The following USP7 variants were observed in gnomAD, a reference collection of about 807,000 sequenced individuals.
USP7 encodes the protein ubiquitin C-terminal hydrolase 7.
A neutral mutation model predicts 162.9 loss-of-function variants in USP7; 9 were observed. That is an observed-to-expected ratio of 0.06 (90% confidence interval 0.03 to 0.10). The LOEUF (loss-of-function observed/expected upper bound fraction) is 0.10. Among genes scored for constraint, USP7 ranks in the 10% least tolerant of loss-of-function variants. USP7 has a pLI of 1.00. For synonymous variants in USP7, 562 were observed against 475.9 expected, an observed-to-expected ratio of 1.18 and a Z score of -2.35; for missense variants, 715 against 1,373.7, an observed-to-expected ratio of 0.52 and a Z score of 7.58.
intron 2 of USP7, 87 bp downstream of exon 2, chr16:8,930,206 T>C: frequency 1.0e-6 from 1 of 1,004,842 alleles, no homozygotes; most frequent in Non-Finnish European, 1.5e-6. Context: ...TACCCAAGGA[T>C]GTACCCAAGA....
intron 13 of USP7, 129 bp from the exon 14 acceptor site, chr16:8,905,460 G>T: frequency 1.7e-6 from 2 of 1,145,234 alleles, no homozygotes; most frequent in Non-Finnish European, 2.5e-6. Context: ...ATCCATGTGT[G>T]TTCTTATACA....
At chr16:8,902,544 T>C (rs1373385129) in intron 16 of USP7, 62 bp from the exon 17 acceptor site, 7 of 1,311,498 alleles carry the variant, frequency 5.3e-6, no homozygotes, top group South Asian at 2.5e-5. Context: ...TCCTCTATAT[T>C]ACACACACAT....
chr16:8,902,016 A>T, intron 18 of USP7, 66 bp downstream of exon 18: 1 of 1,358,240 alleles, frequency 7.4e-7, no homozygotes, highest in Non-Finnish European at 1.0e-6. Flanking sequence ...CTGTGTGTTT[A>T]GAACAACAAT....
chr16:8,940,108 A>G (rs1898966626), intron 1 of USP7, among the ~76,000 whole-genome samples: 1 of 152,054 alleles, frequency 6.6e-6, no homozygotes, highest in Non-Finnish European at 1.5e-5. Flanking sequence ...CAAAAAAAAA[A>G]GGCTGTTTCC....
At chr16:8,942,298 C>G (rs1303380907) in intron 1 of USP7, among the ~76,000 whole-genome samples, 3 of 152,204 alleles carry the variant, frequency 2.0e-5, no homozygotes, top group Admixed American at 2.0e-4. Context: ...GAGAGTCTGT[C>G]GGACCTGAGA....
intron 1 of USP7, among the ~76,000 whole-genome samples, chr16:8,941,765 C>T (rs1019208738): frequency 6.6e-6 from 1 of 152,080 alleles, no homozygotes; most frequent in Non-Finnish European, 1.5e-5. Context: ...CTGCCTCTCC[C>T]CAGGTGTGAG....
intron 1 of USP7, among the ~76,000 whole-genome samples, chr16:8,955,715 A>AC (rs980616400): frequency 6.6e-6 from 1 of 151,422 alleles, no homozygotes; most frequent in African/African-American, 2.4e-5. Flanking sequence ...AAAAAAAAAA[A>AC]AAAAAAAAAA....
intron 1 of USP7, among the ~76,000 whole-genome samples, chr16:8,930,821 T>C (rs1898284554): frequency 6.6e-6 from 1 of 152,056 alleles, no homozygotes; most frequent in South Asian, 2.1e-4. Context: ...ATGCAAAAAT[T>C]AGCTGGGTGT....
At chr16:8,958,301 G>A (rs1011504333) in intron 1 of USP7, among the ~76,000 whole-genome samples, 2 of 152,214 alleles carry the variant, frequency 1.3e-5, no homozygotes, top group East Asian at 1.9e-4. Context: ...CTTTCCTGGG[G>A]TATCTGTCCT....
intron 14 of USP7, among the ~76,000 whole-genome samples, chr16:8,904,781 T>A (rs1352005577): frequency 6.9e-6 from 1 of 144,338 alleles, no homozygotes; most frequent in Non-Finnish European, 1.5e-5. Flanking sequence ...TCTCTACTAC[T>A]AAAAAAAAAA....
At chr16:8,942,363 G>A (rs370243930) in intron 1 of USP7, among the ~76,000 whole-genome samples, 1 of 152,152 alleles carries the variant, frequency 6.6e-6, no homozygotes, top group African/African-American at 2.4e-5. Flanking sequence ...AAGCAGTGGG[G>A]TCTGTCCCAC....
At position 8,893,104 on chromosome 16, in the gene USP7, T is replaced by C. The variant is rs1483882607; in HGVS notation, c.*894A>G. 1 of 152,240 alleles carries C rather than the reference T, an allele frequency of 6.6e-6. No homozygotes were observed. The highest frequency in any genetic ancestry group is 6.5e-5 in the Admixed American group (1 of 15,284). 9.4% of individuals were successfully genotyped at this position (152,240 alleles called of 1,614,324 possible). On this transcript the variant is annotated 3_prime_UTR_variant, in exon 31 of 31. Transcript: ENST00000344836. ...ATTGTACATGTTCATTCATTAAATA[T>C]ACAATTCATTTTTCCTTTTTTTTTC...
In USP7 at chr16:8,946,561, A is replaced by T. The variant is rs116762731; in HGVS notation, c.80-16164T>A. ...TTACAAAGACTCAAATCTCAAATAT[A>T]TAAACAACAGTTCACAAAACTCAAC... is the stretch of plus-strand genomic sequence containing the variant. On this transcript the variant is annotated intron_variant, in intron 1 of 30. Coordinates refer to ENST00000344836, the MANE Select transcript of USP7 (RefSeq NM_003470.3). 3.3e-3 allele frequency among the ~76,000 whole-genome samples: 497 copies of T among 152,352 alleles called. 3 individuals are homozygous for T. The highest frequency in any genetic ancestry group is 0.011 in the African/African-American group (464 of 41,580).
rs551627650 is a variant in USP7 at position 8,945,323 on chromosome 16, G to A, written c.80-14926C>T. Among the ~76,000 whole-genome samples the A allele has an allele frequency of 2.6e-5, 4 of 152,300 alleles. No individual in the cohort carries two copies. In the South Asian group the frequency reaches 8.3e-4, roughly 32 times the overall value. On this transcript the variant is annotated intron_variant, in intron 1 of 30. Coordinates refer to ENST00000344836, the MANE Select transcript of USP7 (RefSeq NM_003470.3). ...CGTTTGTACCTGGGAGGTGGAGGTT[G>A]CAGTGAGCCAAGACCATGCCACTGT...
intron 1 of USP7, among the ~76,000 whole-genome samples, chr16:8,947,324 G>T (rs897192052): frequency 1.3e-4 from 19 of 150,498 alleles, no homozygotes; most frequent in African/African-American, 3.6e-4. Context: ...CCATGTGCTG[G>T]TTTATTGTTT....
chr16:8,926,862 C>T (rs1898031857), intron 2 of USP7, among the ~76,000 whole-genome samples: 1 of 152,162 alleles, frequency 6.6e-6, no homozygotes. Context: ...AACCAGATTC[C>T]TTGATAACTC....
At chr16:8,931,972 T>C (rs1898374259) in intron 1 of USP7, among the ~76,000 whole-genome samples, 1 of 152,160 alleles carries the variant, frequency 6.6e-6, no homozygotes, top group African/African-American at 2.4e-5. Context: ...CAGGTAGTTG[T>C]GTGTGTGGCC....
rs1341300598 is a variant in USP7, at chr16:8,963,730, CGGGCCTGCGGGCCCTG to C, written c.-461_-446del. Among the ~76,000 whole-genome samples the C allele has an allele frequency of 2.1e-5, 3 of 143,314 alleles. No individual in the cohort carries two copies. The highest frequency in any genetic ancestry group is 2.1e-4 in the East Asian group (1 of 4,768). 94.0% of individuals were successfully genotyped at this position (143,314 alleles called of 152,430 possible). A position where few individuals can be genotyped will look rare whatever the true frequency, so the allele number is the denominator to read the frequency against. ...GGACGGGAGGCCTGGCCGGCCGCGG[CGGGCCTGCGGGCCCTG>C]GGGCCGGCGGGAGCGGCGGAGCGGG... On this transcript the variant is annotated 5_prime_UTR_variant, in exon 1 of 31. Coordinates refer to ENST00000344836, the MANE Select transcript of USP7 (RefSeq NM_003470.3).
In USP7 at chr16:8,944,331, A is replaced by T. The variant is rs796319585; in HGVS notation, c.80-13934T>A. ...CAGCTGCCCGCCTGGAGTCAGGAGG[A>T]GGCCAGAGTCCTGGAACAAAGGAAT... On this transcript the variant is annotated intron_variant, in intron 1 of 30. Transcript: ENST00000344836. 3.3e-5 allele frequency among the ~76,000 whole-genome samples: 5 copies of T among 151,940 alleles called. No individual in the cohort carries two copies. In the South Asian group the frequency reaches 1.0e-3, roughly 32 times the overall value.
Sources: gnomAD v4.1 joint callset for allele counts (sites outside exome capture counted in the v4.1 genomes callset) on GRCh38, gnomAD v4.1.1 for gene constraint, MANE v1.5 for transcripts, NCBI Gene and HGNC (gene_info 2026-07-23, HGNC 2026-07-21) for gene names.